The following SGCZ variants were observed in gnomAD, a reference collection of about 807,000 sequenced individuals.
SGCZ encodes zeta-sarcoglycan.
A neutral mutation model predicts 41.3 loss-of-function variants in SGCZ; 40 were observed. The ratio of observed to expected loss-of-function variants is 0.97; its 90% CI spans 0.75 to 1.26. The LOEUF (loss-of-function observed/expected upper bound fraction) is 1.26, where lower values mean the gene tolerates loss of function less well. Among genes scored for constraint, SGCZ ranks in the 50% most tolerant of loss-of-function variants. The pLI is 0.00. For synonymous variants in SGCZ, 206 were observed against 137.5 expected, an observed-to-expected ratio of 1.50 and a Z score of -3.49; for missense variants, 552 against 369.8, an observed-to-expected ratio of 1.49 and a Z score of -4.04.
At chr8:14,595,423 A>ACACAC (rs1554459967) in intron 1 of SGCZ, among the ~76,000 whole-genome samples, 2 of 151,712 alleles carry the variant, frequency 1.3e-5, no homozygotes, top group African/African-American at 4.8e-5. Context: ...ACACACACAC[A>ACACAC]CACACACACA....
At chr8:14,316,987 G>A (rs1801740259) in intron 3 of SGCZ, among the ~76,000 whole-genome samples, 1 of 151,742 alleles carries the variant, frequency 6.6e-6, no homozygotes, top group Admixed American at 6.6e-5. Flanking sequence ...TCTTTGCAGT[G>A]ATTAGTGGCA....
At chr8:14,439,654 G>A (rs1383590115) in intron 2 of SGCZ, among the ~76,000 whole-genome samples, 5 of 151,780 alleles carry the variant, frequency 3.3e-5, no homozygotes, top group Non-Finnish European at 7.4e-5. Context: ...ATAATCCGTA[G>A]TATAAACCAA....
chr8:14,723,938 A>G (rs1233354683), intron 1 of SGCZ, among the ~76,000 whole-genome samples: 1 of 152,116 alleles, frequency 6.6e-6, no homozygotes, highest in Non-Finnish European at 1.5e-5. Flanking sequence ...TTGAAGCATA[A>G]TATGATAATG....
chr8:14,588,745 G>T (rs1391517214), intron 1 of SGCZ, among the ~76,000 whole-genome samples: 1 of 152,098 alleles, frequency 6.6e-6, no homozygotes, highest in Non-Finnish European at 1.5e-5. Flanking sequence ...AAGAAATGTA[G>T]TCTGTGTAGT....
intron 4 of SGCZ, among the ~76,000 whole-genome samples, chr8:14,229,224 A>G (rs149213034): frequency 6.6e-6 from 1 of 152,218 alleles, no homozygotes; most frequent in Non-Finnish European, 1.5e-5. Flanking sequence ...TAGGACACAA[A>G]CAATGAGCAT....
intron 1 of SGCZ, among the ~76,000 whole-genome samples, chr8:14,784,265 T>C (rs1800682303): frequency 6.6e-6 from 1 of 152,010 alleles, no homozygotes; most frequent in Non-Finnish European, 1.5e-5. Context: ...TTGCCCAGGC[T>C]GGTCTTGAAC....
At chr8:14,682,765 C>A (rs1373639135) in intron 1 of SGCZ, among the ~76,000 whole-genome samples, 1 of 152,136 alleles carries the variant, frequency 6.6e-6, no homozygotes, top group Non-Finnish European at 1.5e-5. Context: ...ATGTCTTTTA[C>A]CATGCAGAAT....
rs144888423 is a variant in SGCZ at position 14,119,582 on chromosome 8, C to T, written c.548-11347G>A. On this transcript the variant is annotated intron_variant, in intron 5 of 7. Transcript: ENST00000382080. ...TGTGTTCTGATTATCCAGGCCAGAA[C>T]TTCCAATACTATGTTGAATAGGAGT... Among the ~76,000 whole-genome samples, 909 of 152,244 alleles carry T rather than the reference C, an allele frequency of 6.0e-3. 9 individuals are homozygous for T. Among genetic ancestry groups the T allele is most frequent in the African/African-American group, 0.019 (797 of 41,544 alleles).
intron 1 of SGCZ, among the ~76,000 whole-genome samples, chr8:14,735,071 G>A (rs1798986005): frequency 1.3e-5 from 2 of 152,100 alleles, no homozygotes; most frequent in African/African-American, 4.8e-5. Flanking sequence ...ACTGAGTGCA[G>A]GAGTATCAAT....
intron 4 of SGCZ, chr8:14,165,009 G>A: frequency 3.6e-6 from 1 of 276,082 alleles, no homozygotes; most frequent in Non-Finnish European, 7.0e-6. Flanking sequence ...GTTCTCTGTT[G>A]CAGGCTGAAA....
intron 4 of SGCZ, among the ~76,000 whole-genome samples, chr8:14,207,590 G>A (rs1367005786): frequency 2.6e-5 from 4 of 151,832 alleles, no homozygotes; most frequent in Non-Finnish European, 5.9e-5. Flanking sequence ...AGTTTACTAT[G>A]TTAAGTTATA....
At chr8:14,806,612 C>G (rs1801538982) in intron 1 of SGCZ, among the ~76,000 whole-genome samples, 1 of 152,002 alleles carries the variant, frequency 6.6e-6, no homozygotes, top group Non-Finnish European at 1.5e-5. Flanking sequence ...CAAAAAGAGT[C>G]CAGGACCAGA....
chr8:14,610,073 T>A lies in SGCZ; in HGVS notation c.40-55147A>T, dbSNP rs574833657. Reference sequence around the variant, plus strand: ...TAATTGGGGGTTTAAAAAATTTAAGTCAATGACCTGGGCCCTGCTGGAAAT... The same window carrying A: ...TAATTGGGGGTTTAAAAAATTTAAGACAATGACCTGGGCCCTGCTGGAAAT... On this transcript the variant is annotated intron_variant, in intron 1 of 7. Transcript: ENST00000382080. 2.6e-3 allele frequency among the ~76,000 whole-genome samples: 397 copies of A among 152,320 alleles called. 1 individual carries two copies. The highest frequency in any genetic ancestry group is 4.7e-3 in the Non-Finnish European group (320 of 68,026).
chr8:14,699,496 C>A lies in SGCZ; in HGVS notation c.40-144570G>T, dbSNP rs562543190. 1.2e-3 allele frequency among the ~76,000 whole-genome samples: 175 copies of A among 151,750 alleles called. 1 individual carries two copies. The highest frequency in any genetic ancestry group is 4.0e-3 in the African/African-American group (164 of 41,462). ...ATAGATCAAAAATCTAAATTTAAGA[C>A]CTAAAACTATAAAAACTATAGAAGA... On this transcript the variant is annotated intron_variant, in intron 1 of 7. Transcript: ENST00000382080.
chr8:14,784,053 G>T (rs906223932), intron 1 of SGCZ, among the ~76,000 whole-genome samples: 5 of 145,574 alleles, frequency 3.4e-5, no homozygotes, highest in African/African-American at 1.0e-4. Context: ...TTAATTTAAT[G>T]TTTTTTTTTT....
At chr8:15,224,858 G>A (rs1001261544) in intron 1 of SGCZ, among the ~76,000 whole-genome samples, 6 of 152,070 alleles carry the variant, frequency 3.9e-5, no homozygotes, top group Non-Finnish European at 7.4e-5. Context: ...CATTAGCAGG[G>A]ATGAAGAAAG....
chr8:15,141,191 A>G (rs1808306704), intron 1 of SGCZ, among the ~76,000 whole-genome samples: 2 of 152,238 alleles, frequency 1.3e-5, no homozygotes, highest in Admixed American at 1.3e-4. Context: ...TTGAAATTCA[A>G]TGCAGTTGAG....
At chr8:14,337,140 C>T (rs1341162387) in intron 2 of SGCZ, among the ~76,000 whole-genome samples, 2 of 152,122 alleles carry the variant, frequency 1.3e-5, no homozygotes, top group Non-Finnish European at 2.9e-5. Context: ...CCACCCCTCC[C>T]AATATATGGC....
At chr8:14,520,537 T>C (rs1802757777) in intron 2 of SGCZ, among the ~76,000 whole-genome samples, 1 of 152,080 alleles carries the variant, frequency 6.6e-6, no homozygotes, top group Admixed American at 6.6e-5. Context: ...AGGGAAATAA[T>C]ATAAAACACA....
Sources: allele counts gnomAD v4.1 joint callset (sites outside exome capture counted in the v4.1 genomes callset), GRCh38; gene constraint gnomAD v4.1.1; transcripts MANE v1.5; gene names NCBI Gene and HGNC (gene_info 2026-07-23, HGNC 2026-07-21).